TMCO5A: variants seen among roughly 807,000 people sequenced by gnomAD.
The protein encoded by TMCO5A is transmembrane and coiled-coil domain-containing protein 5A.
Under a neutral mutation model 42.3 loss-of-function variants are expected in TMCO5A, and 34 were observed. The observed-to-expected ratio is 0.80, with a 90% confidence interval of 0.61 to 1.07. The LOEUF is 1.07. Ranked by LOEUF, TMCO5A falls within the 50% of genes least tolerant of loss-of-function variation. TMCO5A has a pLI of 0.00. For missense variants in TMCO5A, 357 were observed against 327.9 expected (o/e 1.09, Z -0.69); for synonymous variants, 131 against 115.6 (o/e 1.13, Z -0.86).
At chr15:38,039,389 G>A in the TMCO5A span, among the ~76,000 whole-genome samples, 4 of 152,166 alleles carry the variant, frequency 2.6e-5, no homozygotes, top group Non-Finnish European at 1.5e-5. Flanking sequence ...CTATATTAGG[G>A]CATGGCCTCA....
the TMCO5A span, among the ~76,000 whole-genome samples, chr15:38,012,122 T>C: frequency 3.0e-5 from 3 of 101,452 alleles, no homozygotes; most frequent in South Asian, 1.1e-3. Context: ...AGACTCCGTC[T>C]CAAAAAAAAA....
the TMCO5A span, among the ~76,000 whole-genome samples, chr15:37,972,898 T>C: frequency 6.6e-6 from 1 of 152,184 alleles, no homozygotes; most frequent in Non-Finnish European, 1.5e-5. Context: ...TTCTGGGTTT[T>C]TATAGTTGTA....
chr15:38,010,908 C>T, the TMCO5A span, among the ~76,000 whole-genome samples: 1 of 151,990 alleles, frequency 6.6e-6, no homozygotes, highest in Admixed American at 6.6e-5. Flanking sequence ...CCACCATGCC[C>T]AGCTAATTTT....
the TMCO5A span, among the ~76,000 whole-genome samples, chr15:38,006,722 C>T: frequency 1.3e-5 from 2 of 152,102 alleles, no homozygotes; most frequent in East Asian, 1.9e-4. Flanking sequence ...CTTGGCTACA[C>T]TATATTGACT....
the TMCO5A span, among the ~76,000 whole-genome samples, chr15:37,972,955 A>G: frequency 6.6e-6 from 1 of 152,148 alleles, no homozygotes; most frequent in South Asian, 2.1e-4. Context: ...ATTTTTGTAT[A>G]TGGTGTAAGG....
chr15:37,981,784 G>T, the TMCO5A span, among the ~76,000 whole-genome samples: 1 of 152,244 alleles, frequency 6.6e-6, no homozygotes. Flanking sequence ...AGAAACTATT[G>T]TAGGGGAGAT....
At chr15:37,989,736 G>A in the TMCO5A span, among the ~76,000 whole-genome samples, 1 of 152,046 alleles carries the variant, frequency 6.6e-6, no homozygotes, top group African/African-American at 2.4e-5. Context: ...AAGGTGGGAA[G>A]TCCAATATCA....
chr15:37,982,873 G>A, the TMCO5A span, among the ~76,000 whole-genome samples: 1 of 150,570 alleles, frequency 6.6e-6, no homozygotes, highest in Non-Finnish European at 1.5e-5. Context: ...AAAGGCAAAG[G>A]ATGCCTGTCA....
the TMCO5A span, among the ~76,000 whole-genome samples, chr15:38,031,923 A>ATGCTGTTTC: frequency 6.7e-6 from 1 of 149,290 alleles, no homozygotes; most frequent in African/African-American, 2.5e-5. Context: ...CCCTTCTCAC[A>ATGCTGTTTC]TGCTGTTTCT....
At chr15:37,939,363 G>T (rs188000200) in intron 6 of TMCO5A, among the ~76,000 whole-genome samples, 121 of 152,222 alleles carry the variant, frequency 7.9e-4, no homozygotes, top group African/African-American at 2.6e-3. Context: ...TGCTAATTCA[G>T]GTAAGTTATC....
chr15:37,990,601 A>T, the TMCO5A span, among the ~76,000 whole-genome samples: 1 of 151,974 alleles, frequency 6.6e-6, no homozygotes, highest in African/African-American at 2.4e-5. Flanking sequence ...TTGATTGGAG[A>T]GTTTAATCTA....
the TMCO5A span, among the ~76,000 whole-genome samples, chr15:37,979,144 T>C: frequency 0.093 from 14,136 of 151,926 alleles, 2,277 homozygotes; most frequent in African/African-American, 0.32. Flanking sequence ...GACACAGATC[T>C]TAATTATGTC....
At chr15:37,986,395 G>A in the TMCO5A span, among the ~76,000 whole-genome samples, 23 of 149,158 alleles carry the variant, frequency 1.5e-4, no homozygotes, top group Non-Finnish European at 3.0e-4. Context: ...GTGTGTGTGT[G>A]TGTGTGTGTG....
chr15:38,000,905 T>C, the TMCO5A span, among the ~76,000 whole-genome samples: 1 of 152,128 alleles, frequency 6.6e-6, no homozygotes, highest in Admixed American at 6.5e-5. Context: ...TTTAAGACAT[T>C]CTGTGGCCTA....
At chr15:37,957,386 A>G (rs943856629) in intron 11 of TMCO5A, among the ~76,000 whole-genome samples, 1 of 152,228 alleles carries the variant, frequency 6.6e-6, no homozygotes, top group African/African-American at 2.4e-5. Context: ...AAGCAACTTC[A>G]GCAAAGTCTC....
chr15:38,029,716 C>CT, the TMCO5A span, among the ~76,000 whole-genome samples: 1 of 152,148 alleles, frequency 6.6e-6, no homozygotes, highest in Non-Finnish European at 1.5e-5. Context: ...TCCCAAAGTA[C>CT]TGGGATTACA....
chr15:37,989,355 G>A, the TMCO5A span, among the ~76,000 whole-genome samples: 19 of 151,940 alleles, frequency 1.3e-4, no homozygotes, highest in African/African-American at 4.1e-4. Flanking sequence ...TTTGGGTTCA[G>A]TGTGTTCTTT....
chr15:38,014,464 T>C, the TMCO5A span, among the ~76,000 whole-genome samples: 3 of 152,114 alleles, frequency 2.0e-5, no homozygotes, highest in Non-Finnish European at 4.4e-5. Context: ...TCTTCAAAAA[T>C]AAAATAGAAA....
chr15:37,943,378 C>T lies in TMCO5A; in HGVS notation c.607C>T (p.His203Tyr), dbSNP rs1324157645. The T allele has an allele frequency of 6.2e-7, 1 of 1,612,412 alleles. No homozygotes were observed. The highest frequency in any genetic ancestry group is 8.5e-7 in the Non-Finnish European group (1 of 1,179,068). Residue 203 changes from histidine to tyrosine, a missense_variant, in exon 10 of 12, where the codon CAT becomes TAT. Transcript: ENST00000319669. ...LVSMNPVEKEHTSQNNEGTPT... is the reference protein window; with the variant it reads ...LVSMNPVEKEYTSQNNEGTPT... ...GAGCATGAACCCTGTGGAAAAAGAGCATACCAGCCAAAATAATGAGGTAAA... is the reference window on the plus strand; with the variant it reads ...GAGCATGAACCCTGTGGAAAAAGAGTATACCAGCCAAAATAATGAGGTAAA...
Sources: gnomAD v4.1 joint callset for allele counts (sites outside exome capture counted in the v4.1 genomes callset) on GRCh38, gnomAD v4.1.1 for gene constraint, MANE v1.5 for transcripts, NCBI Gene and HGNC (gene_info 2026-07-23, HGNC 2026-07-21) for gene names.